FCHO2: variants seen among roughly 807,000 people sequenced by gnomAD.
The protein encoded by FCHO2 is FCH and mu domain containing endocytic adaptor 2.
Under a neutral mutation model 114.1 loss-of-function variants are expected in FCHO2, and 43 were observed. That is an observed-to-expected ratio of 0.38 (90% confidence interval 0.30 to 0.49). The LOEUF is 0.49. Among genes scored for constraint, FCHO2 ranks in the 20% least tolerant of loss-of-function variants. The pLI is 0.97. For synonymous variants in FCHO2, 293 were observed against 315.2 expected (o/e 0.93, Z 0.75); for missense variants, 807 against 950.4 (o/e 0.85, Z 1.98).
rs766782500 is a variant in FCHO2, at chr5:73,077,453, A to G, written c.1807A>G (p.Arg603Gly). The change falls in exon 21 of 26, where the codon AGA becomes GGA. Residue 603 changes from arginine to glycine, a missense_variant. Transcript: ENST00000430046. ...VLCFRVKNIS[R>G]LEQILPNAQL... The stretch of plus-strand genomic sequence containing the variant: ...GTGCTTCAGGGTGAAAAATATCAGC[A>G]GACTAGAGCAGATTCTTCCAAATGC... 6.2e-7 allele frequency: 1 copy of G among 1,603,108 alleles called. No homozygotes were observed. The highest frequency in any genetic ancestry group is 1.1e-5 in the South Asian group (1 of 88,894).
At chr5:73,018,653 T>C (rs981060952) in intron 8 of FCHO2, among the ~76,000 whole-genome samples, 16 of 152,150 alleles carry the variant, frequency 1.1e-4, no homozygotes, top group Admixed American at 5.9e-4. Flanking sequence ...TTAGGAACTT[T>C]AGATATGCAA....
intron 5 of FCHO2, chr5:72,997,130 C>A: frequency 1.8e-6 from 2 of 1,124,300 alleles, no homozygotes; most frequent in South Asian, 1.2e-5. Flanking sequence ...GATACTTATT[C>A]ACTCCCACCA....
chr5:73,025,016 G>A (rs368294247), intron 8 of FCHO2, among the ~76,000 whole-genome samples: 3 of 152,176 alleles, frequency 2.0e-5, no homozygotes, highest in African/African-American at 4.8e-5. Flanking sequence ...GATGACATGG[G>A]CTTTCGTAGA....
chr5:73,043,233 A>T (rs767692699), intron 11 of FCHO2, among the ~76,000 whole-genome samples: 1 of 152,164 alleles, frequency 6.6e-6, no homozygotes, highest in Non-Finnish European at 1.5e-5. Context: ...TTCCTGGCCA[A>T]CAAAGGTTTT....
intron 11 of FCHO2, 77 bp from the exon 12 acceptor site, chr5:73,051,272 C>A (rs1757322641): frequency 2.0e-6 from 2 of 997,904 alleles, no homozygotes; most frequent in Non-Finnish European, 3.0e-6. Context: ...TAAGTAATAC[C>A]TGAGGCTACT....
intron 6 of FCHO2, among the ~76,000 whole-genome samples, chr5:73,013,736 T>C: frequency 6.6e-6 from 1 of 152,028 alleles, no homozygotes; most frequent in East Asian, 1.9e-4. Flanking sequence ...GGCGCGATCT[T>C]GGCTCACTGC....
At chr5:73,064,987 C>A (rs900866254) in intron 18 of FCHO2, among the ~76,000 whole-genome samples, 5 of 151,792 alleles carry the variant, frequency 3.3e-5, no homozygotes, top group African/African-American at 1.2e-4. Context: ...TGTGTGTTAC[C>A]TTTACTGGGC....
intron 16 of FCHO2, among the ~76,000 whole-genome samples, chr5:73,056,314 A>G (rs1020782656): frequency 1.3e-5 from 2 of 152,090 alleles, no homozygotes; most frequent in Middle Eastern, 3.4e-3. Flanking sequence ...CATCATAATC[A>G]CCTAAAGTCC....
At chr5:73,042,030 A>C (rs971830529) in intron 11 of FCHO2, among the ~76,000 whole-genome samples, 1 of 152,156 alleles carries the variant, frequency 6.6e-6, no homozygotes, top group Non-Finnish European at 1.5e-5. Context: ...ATCCCAAAAC[A>C]TTTTGATCTT....
chr5:73,057,864 A>G (rs1757669584), intron 16 of FCHO2, among the ~76,000 whole-genome samples: 1 of 152,182 alleles, frequency 6.6e-6, no homozygotes, highest in African/African-American at 2.4e-5. Context: ...CTAACAAGGC[A>G]TGATGAATGG....
intron 2 of FCHO2, among the ~76,000 whole-genome samples, chr5:72,985,204 A>G (rs1049060927): frequency 6.6e-6 from 1 of 151,798 alleles, no homozygotes; most frequent in Non-Finnish European, 1.5e-5. Flanking sequence ...TCTGTCACCC[A>G]GGCTGGAGTA....
At chr5:73,024,448 AT>A (rs908457671) in intron 8 of FCHO2, among the ~76,000 whole-genome samples, 1 of 141,782 alleles carries the variant, frequency 7.1e-6, no homozygotes. Flanking sequence ...TTTATGTTTT[AT>A]TTTTTTTGGA....
Position 73,017,292 on chromosome 5 carries a change from TG to T in FCHO2, c.783del (p.Lys262ArgfsTer21). On this transcript the variant is annotated frameshift_variant, in exon 8 of 26. Transcript: ENST00000430046. LOFTEE classifies it high-confidence loss of function. ...IQKFAESKGTGKERPGLIEFE... is the reference protein window; with the variant it reads ...IQKFAESKGTXKERPGLIEFE... ...AAAAATTTGCTGAGTCAAAAGGCAC[TG>T]GGAAGGAAAGACCTGGTAAGATGAT... 1 of 1,561,622 alleles carries T rather than the reference TG, an allele frequency of 6.4e-7. No homozygotes were observed. The highest frequency in any genetic ancestry group is 1.9e-5 in the Admixed American group (1 of 52,928).
intron 1 of FCHO2, among the ~76,000 whole-genome samples, chr5:72,966,454 A>G (rs182772376): frequency 6.6e-6 from 1 of 152,278 alleles, no homozygotes; most frequent in African/African-American, 2.4e-5. Context: ...ATAAATTTTT[A>G]AAAAAATCTT....
intron 5 of FCHO2, among the ~76,000 whole-genome samples, chr5:73,001,550 C>T (rs540839434): frequency 4.9e-4 from 73 of 147,690 alleles, no homozygotes; most frequent in Middle Eastern, 7.1e-3. Context: ...TTTTTTCTTT[C>T]ATTTTTTTTC....
chr5:73,053,312 C>T (rs1207615532), intron 13 of FCHO2, among the ~76,000 whole-genome samples: 4 of 152,098 alleles, frequency 2.6e-5, no homozygotes. Context: ...CTATTTTCTT[C>T]CTACCAAAAA....
At chr5:72,986,295 C>G (rs1753517972) in intron 2 of FCHO2, among the ~76,000 whole-genome samples, 1 of 152,044 alleles carries the variant, frequency 6.6e-6, no homozygotes, top group South Asian at 2.1e-4. Flanking sequence ...CTTAAAATGA[C>G]CAGATCTCTA....
chr5:73,005,629 C>G (rs1754676640), intron 5 of FCHO2, among the ~76,000 whole-genome samples: 1 of 152,126 alleles, frequency 6.6e-6, no homozygotes, highest in South Asian at 2.1e-4. Context: ...TTGAGAATAT[C>G]AAGCTTCTTG....
intron 16 of FCHO2, among the ~76,000 whole-genome samples, chr5:73,056,863 A>C (rs902324935): frequency 1.3e-5 from 2 of 152,052 alleles, no homozygotes; most frequent in Non-Finnish European, 2.9e-5. Context: ...GCATGTTGCC[A>C]GCTCTTCTTA....
Sources: allele counts gnomAD v4.1 joint callset (sites outside exome capture counted in the v4.1 genomes callset), GRCh38; gene constraint gnomAD v4.1.1; transcripts MANE v1.5; gene names NCBI Gene and HGNC (gene_info 2026-07-23, HGNC 2026-07-21).